The following MED23 variants were observed in gnomAD, a reference collection of about 807,000 sequenced individuals.
The protein encoded by MED23 is mediator complex subunit 23, also known as mediator of RNA polymerase II transcription subunit 23.
In MED23, 105 loss-of-function variants were observed where a neutral mutation model predicts 163.9. The observed-to-expected ratio is 0.64, with a 90% confidence interval of 0.55 to 0.75. MED23 has a LOEUF of 0.75. Ranked by LOEUF, MED23 falls within the 30% of genes least tolerant of loss-of-function variation. The pLI is 0.00. For missense variants in MED23, 1,054 were observed against 1,649.0 expected, an observed-to-expected ratio of 0.64 and a Z score of 6.25; for synonymous variants, 561 against 565.6, an observed-to-expected ratio of 0.99 and a Z score of 0.12.
At position 131,586,865 on chromosome 6, in the gene MED23, A is replaced by C; in HGVS notation, c.*814T>G. The C allele has an allele frequency of 6.8e-7, 1 of 1,468,342 alleles. No individual in the cohort carries two copies. Among genetic ancestry groups the C allele is most frequent in the South Asian group, 1.3e-5 (1 of 74,742 alleles). 91.0% of individuals were successfully genotyped at this position (1,468,342 alleles called of 1,614,324 possible). A position where few individuals can be genotyped will look rare whatever the true frequency, so the allele number is the denominator to read the frequency against. On this transcript the variant is annotated 3_prime_UTR_variant, in exon 29 of 29. Transcript: ENST00000368068. ...GAAATAAAATGTGTACTGTATTTACAAATATAAAATTTAAAAATTTTAAGA... is the reference window on the plus strand; with the variant it reads ...GAAATAAAATGTGTACTGTATTTACCAATATAAAATTTAAAAATTTTAAGA...
intron 28 of MED23, among the ~76,000 whole-genome samples, chr6:131,588,251 T>C (rs1004258333): frequency 6.6e-6 from 1 of 152,236 alleles, no homozygotes; most frequent in Non-Finnish European, 1.5e-5. Context: ...TACAGAAGCA[T>C]GAAGCATAAT....
At chr6:131,581,474 T>G (rs1585420812) in intron 30 of MED23, 7 of 1,370,522 alleles carry the variant, frequency 5.1e-6, no homozygotes, top group Non-Finnish European at 7.0e-6. Context: ...TATCTTATTC[T>G]TGGTGTAATC....
intron 3 of MED23, among the ~76,000 whole-genome samples, chr6:131,626,122 CAAAAAAA>C (rs138561737): frequency 1.7e-5 from 1 of 59,696 alleles, no homozygotes; most frequent in South Asian, 6.4e-4. Flanking sequence ...ACTCTGTCTC[CAAAAAAA>C]AAAAAAAAAA....
intron 30 of MED23, among the ~76,000 whole-genome samples, chr6:131,581,020 T>C (rs942249627): frequency 1.3e-5 from 2 of 152,216 alleles, no homozygotes; most frequent in African/African-American, 4.8e-5. Context: ...TCGATGTAAA[T>C]ATAACTAGTT....
chr6:131,582,524 T>C, downstream of MED23: 1 of 895,862 alleles, frequency 1.1e-6, no homozygotes. Context: ...ATATTCTAAA[T>C]ATAAGATATA....
At chr6:131,582,734 G>A (rs374999926), downstream of MED23, 3 of 1,609,096 alleles carry the variant, frequency 1.9e-6, no homozygotes, top group Middle Eastern at 1.7e-4. Context: ...ATTCCTTGAT[G>A]TGATTTGCCT....
downstream of MED23, among the ~76,000 whole-genome samples, chr6:131,586,526 A>C (rs1425312969): frequency 6.6e-6 from 1 of 152,250 alleles, no homozygotes; most frequent in East Asian, 1.9e-4. Context: ...AAAGAAAATA[A>C]AGTTCTAGGA....
At chr6:131,583,170 A>G (rs1413302131), downstream of MED23, 13 of 1,612,108 alleles carry the variant, frequency 8.1e-6, no homozygotes, top group Non-Finnish European at 1.1e-5. Context: ...GGAAGGTAGG[A>G]TTCTTTTGTG....
At chr6:131,599,205 C>G (rs1775287821) in intron 18 of MED23, among the ~76,000 whole-genome samples, 1 of 152,182 alleles carries the variant, frequency 6.6e-6, no homozygotes, top group Non-Finnish European at 1.5e-5. Flanking sequence ...CAGACCTTAT[C>G]CCAGATTTAC....
At chr6:131,582,539 A>G, downstream of MED23, 1 of 1,032,716 alleles carries the variant, frequency 9.7e-7, no homozygotes, top group Non-Finnish European at 1.5e-6. Flanking sequence ...GATATACGCA[A>G]TCCAATATGT....
rs1046058668 is a variant in MED23 at position 131,590,651 on chromosome 6, C to T, written c.3687-209G>A. On this transcript the variant is annotated intron_variant, in intron 26 of 28. Transcript: ENST00000368068. ...TTTTTATTTATTTATTTTTTTGAGA[C>T]GGAGTCTCACACTGTTGCCTGGGCT... Among the ~76,000 whole-genome samples the T allele has an allele frequency of 8.5e-5, 13 of 152,198 alleles. No individual in the cohort carries two copies. In the East Asian group the frequency reaches 1.9e-3, roughly 23 times the overall value.
chr6:131,608,680 A>G (rs1486852499), intron 11 of MED23, among the ~76,000 whole-genome samples: 1 of 152,176 alleles, frequency 6.6e-6, no homozygotes, highest in Non-Finnish European at 1.5e-5. Context: ...TGCTGGGATT[A>G]CAGGAGTGAG....
intron 18 of MED23, among the ~76,000 whole-genome samples, chr6:131,599,074 T>C (rs1236529680): frequency 6.6e-6 from 1 of 152,254 alleles, no homozygotes; most frequent in African/African-American, 2.4e-5. Flanking sequence ...CTCTACCCTT[T>C]GGCTACATAT....
At chr6:131,578,409 T>G (rs141713726) in intron 30 of MED23, among the ~76,000 whole-genome samples, 1 of 152,096 alleles carries the variant, frequency 6.6e-6, no homozygotes, top group Non-Finnish European at 1.5e-5. Context: ...TACATGACAC[T>G]CTCTACTTTT....
chr6:131,613,389 A>G (rs1776417016), intron 10 of MED23, among the ~76,000 whole-genome samples: 1 of 152,218 alleles, frequency 6.6e-6, no homozygotes, highest in South Asian at 2.1e-4. Context: ...ATATAACTCA[A>G]TTCCTACTGG....
At chr6:131,616,026 T>C (rs1379384978) in intron 9 of MED23, 24 bp from the exon 10 acceptor site, 3 of 1,553,570 alleles carry the variant, frequency 1.9e-6, no homozygotes, top group Non-Finnish European at 2.7e-6. Flanking sequence ...AAGAAAATCA[T>C]TGCTTCAAGA....
chr6:131,581,357 C>A, intron 30 of MED23: 1 of 1,613,392 alleles, frequency 6.2e-7, no homozygotes, highest in Non-Finnish European at 8.5e-7. Flanking sequence ...TATCTTTCCT[C>A]CTGAAGGAAC....
chr6:131,621,378 C>G (rs1444722154), intron 6 of MED23, among the ~76,000 whole-genome samples: 1 of 151,642 alleles, frequency 6.6e-6, no homozygotes, highest in Non-Finnish European at 1.5e-5. Context: ...TGCTACTTGT[C>G]AATTAAAATA....
intron 9 of MED23, among the ~76,000 whole-genome samples, chr6:131,617,383 G>A (rs1372147406): frequency 3.4e-5 from 5 of 148,632 alleles, no homozygotes; most frequent in East Asian, 1.9e-4. Flanking sequence ...TTCATATACC[G>A]ATTTTTAAGA....
Sources: gnomAD v4.1 joint callset for allele counts (sites outside exome capture counted in the v4.1 genomes callset) on GRCh38, gnomAD v4.1.1 for gene constraint, MANE v1.5 for transcripts, NCBI Gene and HGNC (gene_info 2026-07-23, HGNC 2026-07-21) for gene names.